The following FAM117B variants were observed in gnomAD, a reference collection of about 807,000 sequenced individuals.
The protein encoded by FAM117B is protein FAM117B.
Under a neutral mutation model 52.8 loss-of-function variants are expected in FAM117B, and 22 were observed. That is an observed-to-expected ratio of 0.42 (90% CI 0.30 to 0.59). The LOEUF (loss-of-function observed/expected upper bound fraction) is 0.59, where lower values mean the gene tolerates loss of function less well. Among genes scored for constraint, FAM117B ranks in the 20% least tolerant of loss-of-function variants. The probability of loss-of-function intolerance (pLI) is 0.22; values close to 1 mark genes in which losing one functional copy is unlikely to be tolerated. For synonymous variants in FAM117B, 309 were observed against 324.1 expected (o/e 0.95, Z 0.50); for missense variants, 678 against 802.6 (o/e 0.84, Z 1.88).
intron 1 of FAM117B, among the ~76,000 whole-genome samples, chr2:202,637,787 T>C (rs1255684674): frequency 1.3e-5 from 2 of 152,154 alleles, no homozygotes; most frequent in Non-Finnish European, 2.9e-5. Flanking sequence ...GTCTTTATAT[T>C]ATATCAAGGA....
chr2:202,744,227 G>A (rs1364949214), intron 4 of FAM117B, among the ~76,000 whole-genome samples: 1 of 152,206 alleles, frequency 6.6e-6, no homozygotes, highest in Non-Finnish European at 1.5e-5. Context: ...GTTTTATTTG[G>A]CTTGTGGTTC....
At chr2:202,640,340 A>ATATATATATATGTG (rs1371719386) in intron 1 of FAM117B, among the ~76,000 whole-genome samples, 2 of 105,732 alleles carry the variant, frequency 1.9e-5, no homozygotes, top group African/African-American at 8.7e-5. Flanking sequence ...ATATATATAT[A>ATATATATATATGTG]TATGGCAAGT....
intron 1 of FAM117B, among the ~76,000 whole-genome samples, chr2:202,650,018 A>AC (rs1259298373): frequency 1.3e-5 from 2 of 151,256 alleles, no homozygotes; most frequent in African/African-American, 4.9e-5. Context: ...ACAGACGCCT[A>AC]CCACATACCT....
At position 202,656,736 on chromosome 2, in the gene FAM117B, A is replaced by G. The variant is rs549777892; in HGVS notation, c.601+20948A>G. 4.3e-4 allele frequency among the ~76,000 whole-genome samples: 66 copies of G among 152,296 alleles called. 1 individual carries two copies. Among genetic ancestry groups the G allele is most frequent in the Admixed American group, 1.9e-3 (29 of 15,288 alleles). ...ATTGATAGTGGTTTTCAGGTCTTAC[A>G]TATCTTTGCTGATTTTCTATTTGTT... On this transcript the variant is annotated intron_variant, in intron 1 of 7. Transcript: ENST00000392238.
chr2:202,754,129 A>G (rs1691764352), intron 4 of FAM117B, among the ~76,000 whole-genome samples: 1 of 152,248 alleles, frequency 6.6e-6, no homozygotes, highest in Admixed American at 6.5e-5. Context: ...ACCAACTGAA[A>G]TGCCATCAAT....
chr2:202,756,521 G>A (rs1691802558), intron 5 of FAM117B, among the ~76,000 whole-genome samples: 1 of 152,130 alleles, frequency 6.6e-6, no homozygotes, highest in Non-Finnish European at 1.5e-5. Flanking sequence ...CTTTAGTGAA[G>A]GAGGAATTGA....
intron 1 of FAM117B, among the ~76,000 whole-genome samples, chr2:202,691,694 T>TGC (rs1196066973): frequency 5.0e-4 from 67 of 132,828 alleles, no homozygotes; most frequent in East Asian, 2.4e-3. Flanking sequence ...TGTGTGTGTG[T>TGC]GTGTGCGCGC....
intron 1 of FAM117B, among the ~76,000 whole-genome samples, chr2:202,692,001 CAT>C (rs1690637771): frequency 6.6e-6 from 1 of 152,082 alleles, no homozygotes. Context: ...GTGTCTCAGA[CAT>C]ATTTGTGAAG....
intron 4 of FAM117B, among the ~76,000 whole-genome samples, chr2:202,752,207 G>T (rs1045605408): frequency 6.6e-6 from 1 of 152,012 alleles, no homozygotes; most frequent in South Asian, 2.1e-4. Context: ...TGCTTTAGAC[G>T]CCAGGCACCA....
chr2:202,705,580 A>G (rs1690859504), intron 2 of FAM117B, among the ~76,000 whole-genome samples: 1 of 152,166 alleles, frequency 6.6e-6, no homozygotes, highest in East Asian at 1.9e-4. Flanking sequence ...CAGTGGGCCT[A>G]ATTGCCTATA....
intron 1 of FAM117B, among the ~76,000 whole-genome samples, chr2:202,650,791 G>T (rs532053998): frequency 2.0e-5 from 3 of 152,082 alleles, no homozygotes; most frequent in Non-Finnish European, 2.9e-5. Context: ...GATGAAGGCC[G>T]GAAGACTCAG....
chr2:202,659,641 G>A (rs1235272449), intron 1 of FAM117B, among the ~76,000 whole-genome samples: 1 of 109,470 alleles, frequency 9.1e-6, no homozygotes, highest in Non-Finnish European at 1.8e-5. Context: ...TTTTGACGGA[G>A]TCTTGCCCTG....
At chr2:202,740,347 G>A (rs1180973698) in intron 4 of FAM117B, among the ~76,000 whole-genome samples, 11 of 124,962 alleles carry the variant, frequency 8.8e-5, no homozygotes, top group Non-Finnish European at 1.6e-4. Flanking sequence ...GCAACAGAAC[G>A]AGACTCTGCC....
rs1428611379 is a variant in FAM117B at position 202,757,038 on chromosome 2, TG to T, written c.1105-170del. ...AAGTCTTCACCGAAGACTCTCAGTG[TG>T]GGGGTCAGATTAGACAGGGATGTCA... On this transcript the variant is annotated intron_variant, in intron 5 of 7. Coordinates refer to ENST00000392238, the MANE Select transcript of FAM117B (RefSeq NM_173511.4). Among the ~76,000 whole-genome samples the T allele has an allele frequency of 1.1e-4, 16 of 152,228 alleles. No homozygotes were observed. The Middle Eastern group carries it at 0.01, about 97-fold the overall frequency.
intron 4 of FAM117B, 31 bp downstream of exon 4, chr2:202,726,394 A>C: frequency 6.7e-7 from 1 of 1,493,122 alleles, no homozygotes; most frequent in Non-Finnish European, 9.2e-7. Context: ...AAATCCAGAA[A>C]AGGAATTTGT....
At chr2:202,690,036 G>A (rs1345363032) in intron 1 of FAM117B, among the ~76,000 whole-genome samples, 2 of 152,146 alleles carry the variant, frequency 1.3e-5, no homozygotes, top group Non-Finnish European at 2.9e-5. Context: ...GAATACCTAA[G>A]GGTCATGGTT....
At chr2:202,641,260 G>T (rs952781053) in intron 1 of FAM117B, among the ~76,000 whole-genome samples, 1 of 152,242 alleles carries the variant, frequency 6.6e-6, no homozygotes, top group Non-Finnish European at 1.5e-5. Context: ...GAACTTTGCA[G>T]TTGGATCTTA....
chr2:202,635,841 C>T (rs1383457249), intron 1 of FAM117B, 53 bp downstream of exon 1: 5 of 1,351,200 alleles, frequency 3.7e-6, no homozygotes, highest in Non-Finnish European at 3.8e-6. Flanking sequence ...GAAGGGGTCC[C>T]GGGCGCGCGC....
At chr2:202,656,137 G>T (rs1690053410) in intron 1 of FAM117B, among the ~76,000 whole-genome samples, 1 of 152,106 alleles carries the variant, frequency 6.6e-6, no homozygotes, top group African/African-American at 2.4e-5. Context: ...AATGGCTAGA[G>T]AGGTTTATTA....
Sources: gnomAD v4.1 joint callset for allele counts (sites outside exome capture counted in the v4.1 genomes callset) on GRCh38, gnomAD v4.1.1 for gene constraint, MANE v1.5 for transcripts, NCBI Gene and HGNC (gene_info 2026-07-23, HGNC 2026-07-21) for gene names.